Variants in SCARB2 observed in about 807,000 individuals in gnomAD.
The protein encoded by SCARB2 is scavenger receptor class B member 2, also known as lysosome membrane protein 2.
A neutral mutation model predicts 58.6 loss-of-function variants in SCARB2; 29 were observed. The ratio of observed to expected loss-of-function variants is 0.49; its 90% CI spans 0.37 to 0.67. The LOEUF is 0.67. Among genes scored for constraint, SCARB2 ranks in the 30% least tolerant of loss-of-function variants. The pLI, the probability that SCARB2 is intolerant of heterozygous loss-of-function variation, is 0.00. For synonymous variants in SCARB2, 195 were observed against 210.1 expected (o/e 0.93, Z 0.62); for missense variants, 488 against 578.5 (o/e 0.84, Z 1.60).
intron 7 of SCARB2, among the ~76,000 whole-genome samples, chr4:76,170,767 G>A (rs1470866033): frequency 6.6e-5 from 10 of 151,758 alleles, no homozygotes; most frequent in Admixed American, 2.0e-4. Context: ...TGATCTGCCC[G>A]CCTCAGCCTC....
intron 1 of SCARB2, among the ~76,000 whole-genome samples, chr4:76,207,876 C>T (rs1560720963): frequency 6.6e-6 from 1 of 152,152 alleles, no homozygotes; most frequent in Admixed American, 6.5e-5. Context: ...CCCCTCCTCA[C>T]CAAATAATAT....
chr4:76,197,115 A>G (rs889141577), intron 1 of SCARB2, among the ~76,000 whole-genome samples: 63 of 152,318 alleles, frequency 4.1e-4, no homozygotes, highest in African/African-American at 1.5e-3. Context: ...CAATACCTTG[A>G]TCTCAGACTT....
At chr4:76,196,784 C>A (rs141556991) in intron 1 of SCARB2, among the ~76,000 whole-genome samples, 1 of 152,206 alleles carries the variant, frequency 6.6e-6, no homozygotes, top group Non-Finnish European at 1.5e-5. Flanking sequence ...GGAGACTGCA[C>A]TCTGCACACA....
chr4:76,170,981 G>A (rs1209313312), intron 7 of SCARB2, among the ~76,000 whole-genome samples: 1 of 129,104 alleles, frequency 7.7e-6, no homozygotes, highest in Non-Finnish European at 1.7e-5. Context: ...TAACCAAATA[G>A]GGAAACAAGT....
In SCARB2 at chr4:76,179,563, T is replaced by C. The variant is rs1732335381; in HGVS notation, c.566A>G (p.His189Arg). Residue 189 changes from histidine (H) to arginine (R), a missense_variant, in exon 4 of 12, where the codon CAT becomes CGT. Transcript: ENST00000264896. ...GGGAGAGATATCGGGCCTGAAAACATGGATAAGGGACAAGATTTCATCTTT... is the reference window on the plus strand; with the variant it reads ...GGGAGAGATATCGGGCCTGAAAACACGGATAAGGGACAAGATTTCATCTTT... Reference protein sequence around the residue: ...GYKDEILSLIHVFRPDISPYF... With the variant: ...GYKDEILSLIRVFRPDISPYF... 3.1e-6 allele frequency: 5 copies of C among 1,613,994 alleles called. No individual in the cohort carries two copies. The South Asian group carries it at 3.3e-5, about 11-fold the overall frequency.
intron 1 of SCARB2, among the ~76,000 whole-genome samples, chr4:76,226,949 A>C (rs1418985037): frequency 6.6e-6 from 1 of 151,750 alleles, no homozygotes; most frequent in Non-Finnish European, 1.5e-5. Context: ...TGGTCTATCA[A>C]TTTTGTTTAT....
At chr4:76,190,534 A>G (rs1409953320) in intron 2 of SCARB2, among the ~76,000 whole-genome samples, 2 of 152,184 alleles carry the variant, frequency 1.3e-5, no homozygotes, top group Admixed American at 1.3e-4. Context: ...CTGTAGTCCC[A>G]GCACTTTGGG....
At chr4:76,175,976 T>G (rs2109943799) in intron 5 of SCARB2, 66 bp from the exon 6 acceptor site, 1 of 1,591,154 alleles carries the variant, frequency 6.3e-7, no homozygotes, top group Non-Finnish European at 8.6e-7. Context: ...TCTTAAATGG[T>G]CAGGACTTTG....
intron 1 of SCARB2, among the ~76,000 whole-genome samples, chr4:76,210,281 T>C (rs779810617): frequency 5.3e-5 from 8 of 152,226 alleles, no homozygotes; most frequent in Non-Finnish European, 1.0e-4. Context: ...CTTGCCACTG[T>C]GCTTGTTCAG....
chr4:76,201,665 T>A (rs567563522), intron 1 of SCARB2, among the ~76,000 whole-genome samples: 4 of 152,356 alleles, frequency 2.6e-5, no homozygotes, highest in African/African-American at 9.6e-5. Context: ...GCTGCAAATA[T>A]TATTTTTCAA....
At chr4:76,166,040 A>C in intron 10 of SCARB2, 1 of 633,286 alleles carries the variant, frequency 1.6e-6, no homozygotes, top group Non-Finnish European at 2.8e-6. Flanking sequence ...GTTCTTGAGA[A>C]GGAAAATTTC....
At chr4:76,188,842 C>A (rs116019222) in intron 2 of SCARB2, among the ~76,000 whole-genome samples, 1 of 152,186 alleles carries the variant, frequency 6.6e-6, no homozygotes, top group Admixed American at 6.5e-5. Flanking sequence ...CCAGATCTCA[C>A]GACCCACTCA....
chr4:76,231,852 TAA>T (rs1408305797), intron 1 of SCARB2, among the ~76,000 whole-genome samples: 2 of 152,186 alleles, frequency 1.3e-5, no homozygotes, highest in Admixed American at 1.3e-4. Flanking sequence ...AGGGACTGTG[TAA>T]ACAAGGGTAT....
chr4:76,194,740 G>A (rs1192431388), intron 2 of SCARB2: 1 of 152,184 alleles, frequency 6.6e-6, no homozygotes, highest in African/African-American at 2.4e-5. Flanking sequence ...GACTTTATTG[G>A]AAAGATTATT....
At chr4:76,214,568 T>G (rs536634073), upstream of SCARB2, 3 of 336,352 alleles carry the variant, frequency 8.9e-6, no homozygotes, top group Admixed American at 1.2e-4. Flanking sequence ...GCTCTTGGTA[T>G]CCTGTTAAAG....
chr4:76,204,555 A>C (rs2109966953), intron 1 of SCARB2, among the ~76,000 whole-genome samples: 1 of 152,342 alleles, frequency 6.6e-6, no homozygotes, highest in Middle Eastern at 3.4e-3. Flanking sequence ...ATGTACAGCC[A>C]AGTTTGAGAA....
At position 76,163,226 on chromosome 4, in the gene SCARB2, T is replaced by C; in HGVS notation, c.1397A>G (p.Glu466Gly). ...LACKGQGSMD[E>G]GTADERAPLI... ...GAAGTTCCTTCAGCCAGTTCTCACC[T>C]CATCCATGGATCCCTGTCCTTTGCA... The change falls in exon 11 of 12, where the codon GAG becomes GGG. Residue 466 changes from glutamate (E) to glycine (G), a missense_variant and splice_region_variant. Physicochemically the swap from Glu to Gly is moderately conservative, Grantham distance 98. Coordinates refer to ENST00000264896, the MANE Select transcript of SCARB2 (RefSeq NM_005506.4). 6.2e-7 allele frequency: 1 copy of C among 1,614,204 alleles called. No homozygotes were observed.
intron 3 of SCARB2, 65 bp downstream of exon 3, chr4:76,180,889 A>G (rs1017251335): frequency 2.2e-6 from 3 of 1,386,240 alleles, no homozygotes; most frequent in Non-Finnish European, 3.0e-6. Context: ...AATCATAAAG[A>G]GCATTAACTT....
At chr4:76,196,039 G>A (rs1385342112) in intron 1 of SCARB2, among the ~76,000 whole-genome samples, 175 bp from the exon 2 acceptor site, 2 of 152,200 alleles carry the variant, frequency 1.3e-5, no homozygotes, top group East Asian at 3.9e-4. Context: ...CACCAATAGA[G>A]CCCACAGTTC....
Sources: allele counts gnomAD v4.1 joint callset (sites outside exome capture counted in the v4.1 genomes callset), GRCh38; gene constraint gnomAD v4.1.1; transcripts MANE v1.5; gene names NCBI Gene and HGNC (gene_info 2026-07-23, HGNC 2026-07-21).